SV2C: variants seen among roughly 807,000 people sequenced by gnomAD.
SV2C encodes the protein solute carrier family 22 member B3.
A neutral mutation model predicts 79.7 loss-of-function variants in SV2C; 49 were observed. That is an observed-to-expected ratio of 0.61 (90% CI 0.49 to 0.78). The LOEUF is 0.78. SV2C is among the 30% of genes least tolerant of loss of function. The pLI is 0.00. For synonymous variants in SV2C, 334 were observed against 333.2 expected (o/e 1.00, Z -0.03); for missense variants, 833 against 912.9 (o/e 0.91, Z 1.13).
chr5:76,001,151 T>C, the SV2C span, among the ~76,000 whole-genome samples: 3 of 151,982 alleles, frequency 2.0e-5, no homozygotes, highest in African/African-American at 4.8e-5. Flanking sequence ...TGCACCAAAG[T>C]TGGGGACCCT....
chr5:76,090,151 T>C (rs1269419115), intron 1 of SV2C, among the ~76,000 whole-genome samples: 1 of 152,228 alleles, frequency 6.6e-6, no homozygotes, highest in Non-Finnish European at 1.5e-5. Flanking sequence ...AGCACCTATC[T>C]GTGGGCTGAT....
the SV2C span, among the ~76,000 whole-genome samples, chr5:75,953,530 C>T: frequency 6.6e-6 from 1 of 152,004 alleles, no homozygotes; most frequent in Non-Finnish European, 1.5e-5. Flanking sequence ...AACTTTTTAA[C>T]CTAATGTGCT....
At chr5:76,028,443 G>A in the SV2C span, among the ~76,000 whole-genome samples, 5 of 152,300 alleles carry the variant, frequency 3.3e-5, 1 homozygote, top group African/African-American at 1.2e-4. Context: ...AGTAAAACCA[G>A]TTTGGCTGTA....
Position 76,232,602 on chromosome 5 carries a change from A to C in SV2C, c.913+22715A>C, listed in dbSNP as rs578096198. Among the ~76,000 whole-genome samples, 5 of 151,048 alleles carry C rather than the reference A, an allele frequency of 3.3e-5. No homozygotes were observed. In the South Asian group the frequency reaches 1.0e-3, roughly 31 times the overall value. On this transcript the variant is annotated intron_variant, in intron 4 of 12. Transcript: ENST00000502798. ...ATGTGTAAGTGTTTAATCCATCTTG[A>C]ATTGGTTTTTGTATAAGGTGTAAGG... is the stretch of plus-strand genomic sequence containing the variant.
intron 2 of SV2C, among the ~76,000 whole-genome samples, chr5:76,193,321 A>T (rs1057176733): frequency 6.6e-6 from 1 of 152,278 alleles, no homozygotes; most frequent in Non-Finnish European, 1.5e-5. Flanking sequence ...GGTAGGAGGA[A>T]TGCAGAAAGC....
chr5:76,313,866 G>A (rs746787916), intron 12 of SV2C, among the ~76,000 whole-genome samples: 12 of 152,124 alleles, frequency 7.9e-5, no homozygotes, highest in African/African-American at 1.2e-4. Context: ...AATCATCTCC[G>A]TGGTCATTAA....
At chr5:75,889,503 A>G in the SV2C span, among the ~76,000 whole-genome samples, 1 of 152,020 alleles carries the variant, frequency 6.6e-6, no homozygotes, top group Non-Finnish European at 1.5e-5. Flanking sequence ...TCTACCATTG[A>G]TGGGCATTTG....
the SV2C span, among the ~76,000 whole-genome samples, chr5:75,874,873 G>A: frequency 6.6e-6 from 1 of 152,074 alleles, no homozygotes; most frequent in Non-Finnish European, 1.5e-5. Context: ...TCTCTGCAAT[G>A]GGAATTATAA....
rs900302264 is a variant in SV2C, at chr5:76,292,276, C to G, written c.1337+420C>G. 9.9e-5 allele frequency among the ~76,000 whole-genome samples: 15 copies of G among 152,150 alleles called. 1 individual carries two copies. Among genetic ancestry groups the G allele is most frequent in the Admixed American group, 8.5e-4 (13 of 15,276 alleles). On this transcript the variant is annotated intron_variant, in intron 8 of 12. Transcript: ENST00000502798. ...GTTCATTTCTTTACCCTCTTCAACT[C>G]TTTCCTCAGATGTCACCTTCTCAGT...
At chr5:75,948,732 C>T in the SV2C span, among the ~76,000 whole-genome samples, 5 of 151,788 alleles carry the variant, frequency 3.3e-5, no homozygotes, top group Admixed American at 1.3e-4. Flanking sequence ...CCTGAGTATG[C>T]GTGGTATGTT....
the SV2C span, among the ~76,000 whole-genome samples, chr5:75,939,668 G>A: frequency 6.6e-6 from 1 of 152,108 alleles, no homozygotes; most frequent in Non-Finnish European, 1.5e-5. Context: ...CCGTCTAATT[G>A]TGCGATAATT....
At chr5:76,146,616 C>T (rs7723492) in intron 2 of SV2C, among the ~76,000 whole-genome samples, 59,471 of 151,508 alleles carry the variant, frequency 0.39, 12,392 homozygotes, top group Middle Eastern at 0.5. Flanking sequence ...TTGTACAAAC[C>T]TCCTATCTTA....
At chr5:76,141,230 A>G (rs1338169541) in intron 2 of SV2C, among the ~76,000 whole-genome samples, 8 of 152,212 alleles carry the variant, frequency 5.3e-5, no homozygotes, top group East Asian at 1.9e-4. Flanking sequence ...AATAAGTAGC[A>G]TTCTAAGACG....
chr5:75,973,947 G>C, the SV2C span, among the ~76,000 whole-genome samples: 3 of 151,856 alleles, frequency 2.0e-5, no homozygotes, highest in Admixed American at 6.6e-5. Context: ...GAATTTTTTT[G>C]TTAAAGATGG....
intron 2 of SV2C, among the ~76,000 whole-genome samples, chr5:76,178,503 T>C (rs1183311869): frequency 1.3e-5 from 2 of 152,212 alleles, no homozygotes; most frequent in African/African-American, 4.8e-5. Flanking sequence ...TGAGCAAGAT[T>C]GACAGAGGGA....
intron 1 of SV2C, among the ~76,000 whole-genome samples, chr5:76,085,783 T>A (rs1747168884): frequency 6.7e-6 from 1 of 149,880 alleles, no homozygotes; most frequent in Non-Finnish European, 1.5e-5. Context: ...GCTTTGGAAA[T>A]ACAAATTTTC....
the SV2C span, chr5:75,910,982 A>G: frequency 1.1e-6 from 1 of 936,052 alleles, no homozygotes. Flanking sequence ...TCGAACATCT[A>G]TGGCCTCCAG....
chr5:76,084,083 T>G (rs1190696580), intron 1 of SV2C: 2 of 152,258 alleles, frequency 1.3e-5, no homozygotes, highest in Non-Finnish European at 2.9e-5. Context: ...CTCTCCCACA[T>G]ACATTCCCGA....
At chr5:76,343,586 C>T (rs1278195952) in intron 12 of SV2C, among the ~76,000 whole-genome samples, 2 of 152,202 alleles carry the variant, frequency 1.3e-5, no homozygotes, top group African/African-American at 4.8e-5. Flanking sequence ...AAGGAGCACT[C>T]ACCAAGGAAC....
Sources: gnomAD v4.1 joint callset for allele counts (sites outside exome capture counted in the v4.1 genomes callset) on GRCh38, gnomAD v4.1.1 for gene constraint, MANE v1.5 for transcripts, NCBI Gene and HGNC (gene_info 2026-07-23, HGNC 2026-07-21) for gene names.